The following METTL15 variants were observed in gnomAD, a reference collection of about 807,000 sequenced individuals.
METTL15 encodes methyltransferase 15, mitochondrial 12S rRNA N4-cytidine.
A neutral mutation model predicts 38.3 loss-of-function variants in METTL15; 34 were observed. The ratio of observed to expected loss-of-function variants is 0.89; its 90% CI spans 0.68 to 1.18. METTL15 has a LOEUF of 1.18. METTL15 is among the 50% of genes most tolerant of loss of function. The probability of loss-of-function intolerance (pLI) is 0.00; values close to 1 mark genes in which losing one functional copy is unlikely to be tolerated. For missense variants in METTL15, 438 were observed against 498.4 expected (o/e 0.88, Z 1.15); for synonymous variants, 162 against 170.9 (o/e 0.95, Z 0.41).
At position 28,441,210 on chromosome 11, in the gene METTL15, G is replaced by T. The variant is rs987367375; in HGVS notation, c.*424+16846G>T. ...AGCAATCCTCCTGCGTCAGCCTCCG[G>T]AGTAGCTGGGGCTACAAGCACGTGC... On this transcript the variant is annotated intron_variant and NMD_transcript_variant, in intron 6 of 7. Transcript: ENST00000532947. 4.6e-5 allele frequency among the ~76,000 whole-genome samples: 7 copies of T among 151,998 alleles called. No individual in the cohort carries two copies. In the East Asian group the frequency reaches 1.4e-3, roughly 29 times the overall value.
intron 6 of METTL15, among the ~76,000 whole-genome samples, chr11:28,505,478 T>G (rs923817714): frequency 6.6e-6 from 1 of 152,214 alleles, no homozygotes; most frequent in African/African-American, 2.4e-5. Context: ...CTCCGCCCAT[T>G]AAAACAAACA....
At chr11:28,264,053 A>C (rs1290644141) in intron 4 of METTL15, among the ~76,000 whole-genome samples, 1 of 152,082 alleles carries the variant, frequency 6.6e-6, no homozygotes, top group Non-Finnish European at 1.5e-5. Context: ...TAGAACCTTA[A>C]AATTTAGGCC....
At chr11:28,531,003 C>T (rs758637094), downstream of METTL15, among the ~76,000 whole-genome samples, 7 of 151,650 alleles carry the variant, frequency 4.6e-5, no homozygotes, top group South Asian at 1.2e-3. Flanking sequence ...TTTTTTTTAG[C>T]TGTTTATTTA....
At chr11:28,439,263 C>T (rs1389333252) in intron 6 of METTL15, among the ~76,000 whole-genome samples, 1 of 152,130 alleles carries the variant, frequency 6.6e-6, no homozygotes, top group Non-Finnish European at 1.5e-5. Context: ...TACTCCTTTC[C>T]TAGAAAAATC....
chr11:28,237,019 G>A (rs1854019121), intron 4 of METTL15, among the ~76,000 whole-genome samples: 4 of 152,068 alleles, frequency 2.6e-5, no homozygotes, highest in Admixed American at 2.6e-4. Context: ...ATCTTTCTCT[G>A]TGGCTGCCCT....
intron 6 of METTL15, among the ~76,000 whole-genome samples, chr11:28,301,681 G>T (rs1856917913): frequency 6.6e-6 from 1 of 151,892 alleles, no homozygotes. Flanking sequence ...GATATATTAG[G>T]TCAAATAAGG....
At chr11:28,302,504 T>TG (rs1240322598) in intron 6 of METTL15, among the ~76,000 whole-genome samples, 19 of 152,088 alleles carry the variant, frequency 1.2e-4, no homozygotes, top group African/African-American at 4.3e-4. Context: ...GTTCTCATGA[T>TG]AATGAATGGG....
At chr11:28,285,697 A>G (rs1189749135) in intron 4 of METTL15, among the ~76,000 whole-genome samples, 1 of 152,202 alleles carries the variant, frequency 6.6e-6, no homozygotes, top group African/African-American at 2.4e-5. Context: ...AGTGTTGGCC[A>G]AAATTGGCTG....
chr11:28,448,091 C>T (rs1225566427), intron 6 of METTL15, among the ~76,000 whole-genome samples: 3 of 151,742 alleles, frequency 2.0e-5, no homozygotes, highest in African/African-American at 7.3e-5. Context: ...CTCATAACTA[C>T]TCTCTTTTCT....
At chr11:28,237,089 C>A (rs571525393) in intron 4 of METTL15, among the ~76,000 whole-genome samples, 1 of 152,126 alleles carries the variant, frequency 6.6e-6, no homozygotes, top group South Asian at 2.1e-4. Flanking sequence ...CTTGGAGTTG[C>A]TCTTCTCGAG....
At chr11:28,525,323 G>A (rs1458555356) in intron 6 of METTL15, among the ~76,000 whole-genome samples, 1 of 152,162 alleles carries the variant, frequency 6.6e-6, no homozygotes. Flanking sequence ...TGTTTTGACA[G>A]GGTGCTGATT....
At chr11:28,460,206 G>A (rs1474622192) in intron 6 of METTL15, among the ~76,000 whole-genome samples, 1 of 152,044 alleles carries the variant, frequency 6.6e-6, no homozygotes, top group East Asian at 1.9e-4. Flanking sequence ...ATGTGAGACT[G>A]TATCTCTATA....
chr11:28,265,948 G>A lies in METTL15; in HGVS notation c.408-24258G>A, dbSNP rs556164390. 1.9e-4 allele frequency among the ~76,000 whole-genome samples: 29 copies of A among 152,302 alleles called. 2 individuals are homozygous for A. In the South Asian group the frequency reaches 5.8e-3, roughly 30 times the overall value. ...TTTAACATTAGGTATATCTCCTAATGCTATCCCTTCCCCCCACCAGCCCAC... is the reference window on the plus strand; with the variant it reads ...TTTAACATTAGGTATATCTCCTAATACTATCCCTTCCCCCCACCAGCCCAC... On this transcript the variant is annotated intron_variant, in intron 4 of 6. Coordinates refer to ENST00000407364, the MANE Select transcript of METTL15 (RefSeq NM_001113528.2).
intron 6 of METTL15, among the ~76,000 whole-genome samples, chr11:28,430,305 G>A (rs1478640016): frequency 2.3e-5 from 3 of 131,366 alleles, no homozygotes; most frequent in Admixed American, 2.2e-4. Context: ...CCGGCCAGCC[G>A]TGCCATCCGG....
At chr11:28,111,813 G>T (rs1221279781) in intron 2 of METTL15, among the ~76,000 whole-genome samples, 1 of 152,136 alleles carries the variant, frequency 6.6e-6, no homozygotes, top group Admixed American at 6.5e-5. Context: ...ATAAATGTTA[G>T]CTATTATTTT....
chr11:28,232,067 T>C (rs748638023), intron 4 of METTL15, among the ~76,000 whole-genome samples: 13 of 151,958 alleles, frequency 8.6e-5, no homozygotes, highest in Non-Finnish European at 1.6e-4. Context: ...ATTTGCATTT[T>C]ACAATGTAAA....
At chr11:28,213,847 G>A (rs1159335448) in intron 4 of METTL15, among the ~76,000 whole-genome samples, 1 of 151,456 alleles carries the variant, frequency 6.6e-6, no homozygotes, top group Non-Finnish European at 1.5e-5. Flanking sequence ...AGTAGAGACG[G>A]GGTTTCACCG....
downstream of METTL15, among the ~76,000 whole-genome samples, chr11:28,334,364 G>A: frequency 6.6e-6 from 1 of 151,858 alleles, no homozygotes; most frequent in East Asian, 1.9e-4. Flanking sequence ...ATTGCTTCTG[G>A]TTAAAATTTT....
intron 3 of METTL15, among the ~76,000 whole-genome samples, chr11:28,205,559 A>G (rs886499493): frequency 3.3e-5 from 5 of 152,140 alleles, no homozygotes; most frequent in African/African-American, 4.8e-5. Flanking sequence ...TAGTGCCTCA[A>G]TAAACATACG....
Sources: allele counts gnomAD v4.1 joint callset (sites outside exome capture counted in the v4.1 genomes callset), GRCh38; gene constraint gnomAD v4.1.1; transcripts MANE v1.5; gene names NCBI Gene and HGNC (gene_info 2026-07-23, HGNC 2026-07-21).